Variants in HMGCLL1 observed in about 807,000 individuals in gnomAD.
The protein encoded by HMGCLL1 is 3-hydroxymethyl-3-methylglutaryl-CoA lyase, cytoplasmic.
Under a neutral mutation model 39.1 loss-of-function variants are expected in HMGCLL1, and 36 were observed. That is an observed-to-expected ratio of 0.92 (90% CI 0.71 to 1.22). The LOEUF (loss-of-function observed/expected upper bound fraction) is 1.22. HMGCLL1 is among the 50% of genes most tolerant of loss of function. HMGCLL1 has a pLI of 0.00. For synonymous variants in HMGCLL1, 149 were observed against 144.0 expected, an observed-to-expected ratio of 1.03 and a Z score of -0.25; for missense variants, 451 against 416.5, an observed-to-expected ratio of 1.08 and a Z score of -0.72.
the HMGCLL1 span, among the ~76,000 whole-genome samples, chr6:55,669,442 A>G: frequency 6.6e-6 from 1 of 151,910 alleles, no homozygotes; most frequent in Non-Finnish European, 1.5e-5. Flanking sequence ...CAGCCCCACA[A>G]TATTCAAAAT....
the HMGCLL1 span, among the ~76,000 whole-genome samples, chr6:55,646,628 C>T: frequency 4.0e-5 from 6 of 151,828 alleles, no homozygotes; most frequent in Non-Finnish European, 5.9e-5. Flanking sequence ...TTTTCAATTT[C>T]CTTCTTACTT....
At chr6:55,659,055 C>A in the HMGCLL1 span, among the ~76,000 whole-genome samples, 3 of 151,910 alleles carry the variant, frequency 2.0e-5, no homozygotes, top group Non-Finnish European at 4.4e-5. Flanking sequence ...GTTGATTTAG[C>A]ATAATGTTAG....
the HMGCLL1 span, among the ~76,000 whole-genome samples, chr6:55,629,298 G>T: frequency 6.6e-6 from 1 of 152,154 alleles, no homozygotes; most frequent in Non-Finnish European, 1.5e-5. Flanking sequence ...GCAGCATTTT[G>T]CCCCTGCCCT....
the HMGCLL1 span, among the ~76,000 whole-genome samples, chr6:55,619,428 A>G: frequency 1.4e-4 from 22 of 152,236 alleles, 1 homozygote; most frequent in South Asian, 4.4e-3. Context: ...TCAAATTCAT[A>G]ATGAAATAAC....
chr6:55,554,794 T>G lies in HMGCLL1; in HGVS notation c.109-12654A>C, dbSNP rs532609896. Among the ~76,000 whole-genome samples, 3 of 152,290 alleles carry G rather than the reference T, an allele frequency of 2.0e-5. No homozygotes were observed. In the East Asian group the frequency reaches 5.8e-4, roughly 29 times the overall value. ...AAAACTGATACTTAATCCATTCCTC[T>G]ACATTCTGTTCTCCCACAGACTTCC... is the stretch of plus-strand genomic sequence containing the variant. On this transcript the variant is annotated intron_variant, in intron 1 of 8. Coordinates refer to ENST00000274901, the MANE Select transcript of HMGCLL1 (RefSeq NM_001042406.2).
intron 7 of HMGCLL1, among the ~76,000 whole-genome samples, chr6:55,460,625 C>T (rs1353127912): frequency 6.6e-6 from 1 of 151,738 alleles, no homozygotes; most frequent in African/African-American, 2.4e-5. Flanking sequence ...AACATAATAT[C>T]CTATTACTAG....
chr6:55,663,871 T>C, the HMGCLL1 span, among the ~76,000 whole-genome samples: 3 of 152,002 alleles, frequency 2.0e-5, no homozygotes, highest in Non-Finnish European at 4.4e-5. Flanking sequence ...TGGGTGCATA[T>C]ATATTTAGGA....
chr6:55,455,013 GA>G lies in HMGCLL1; in HGVS notation c.796-15455del, dbSNP rs1463871839. ...TGTTCCCAGCTACTGGGGAGACTGA[GA>G]GAAGATCACTTGAGCCTAGGAGTTT... On this transcript the variant is annotated intron_variant, in intron 7 of 8. Transcript: ENST00000274901. 1.5e-3 allele frequency among the ~76,000 whole-genome samples: 221 copies of G among 151,546 alleles called. 2 individuals are homozygous for G. Among genetic ancestry groups the G allele is most frequent in the Non-Finnish European group, 2.1e-3 (141 of 67,898 alleles).
chr6:55,499,416 T>A, intron 5 of HMGCLL1, 117 bp from the exon 6 acceptor site: 1 of 681,062 alleles, frequency 1.5e-6, no homozygotes, highest in Non-Finnish European at 2.3e-6. Flanking sequence ...ACTATTACTT[T>A]ATTATTATTT....
chr6:55,500,558 T>C (rs1445747753), intron 5 of HMGCLL1, among the ~76,000 whole-genome samples: 1 of 151,954 alleles, frequency 6.6e-6, no homozygotes, highest in Non-Finnish European at 1.5e-5. Context: ...AATTAAAACA[T>C]GTTTTAGTAT....
the HMGCLL1 span, among the ~76,000 whole-genome samples, chr6:55,624,096 C>T: frequency 1.3e-5 from 2 of 152,132 alleles, no homozygotes; most frequent in Non-Finnish European, 2.9e-5. Flanking sequence ...CCAGTGCATG[C>T]TTACCCATGC....
upstream of HMGCLL1, among the ~76,000 whole-genome samples, chr6:55,582,726 A>G (rs1186503645): frequency 6.6e-6 from 1 of 152,166 alleles, no homozygotes; most frequent in Non-Finnish European, 1.5e-5. Context: ...CTAGTGTTCT[A>G]ATTCTAGAAA....
chr6:55,646,986 T>C, the HMGCLL1 span, among the ~76,000 whole-genome samples: 1 of 152,042 alleles, frequency 6.6e-6, no homozygotes, highest in Non-Finnish European at 1.5e-5. Context: ...AGTAGGGTGC[T>C]GCAGTCTCCA....
chr6:55,678,155 C>A, the HMGCLL1 span, among the ~76,000 whole-genome samples: 1 of 152,108 alleles, frequency 6.6e-6, no homozygotes, highest in African/African-American at 2.4e-5. Context: ...TTATGGCTGG[C>A]ATTTTGAGAA....
chr6:55,580,925 G>A (rs6902708), upstream of HMGCLL1, among the ~76,000 whole-genome samples: 1 of 151,992 alleles, frequency 6.6e-6, no homozygotes, highest in Non-Finnish European at 1.5e-5. Flanking sequence ...TGAAATGGAC[G>A]GTACTGGTTA....
chr6:55,565,971 C>T (rs138662087), intron 1 of HMGCLL1, among the ~76,000 whole-genome samples: 11 of 152,128 alleles, frequency 7.2e-5, no homozygotes, highest in Admixed American at 2.0e-4. Context: ...TTTGAACTGT[C>T]TCATATCATT....
At chr6:55,460,617 CAT>C (rs934004801) in intron 7 of HMGCLL1, among the ~76,000 whole-genome samples, 3 of 151,766 alleles carry the variant, frequency 2.0e-5, no homozygotes, top group Non-Finnish European at 4.4e-5. Context: ...ATGAAGAAAA[CAT>C]AATATCCTAT....
chr6:55,489,144 G>A (rs568496681), intron 7 of HMGCLL1, among the ~76,000 whole-genome samples: 22 of 152,046 alleles, frequency 1.4e-4, no homozygotes, highest in African/African-American at 5.3e-4. Flanking sequence ...AAATTTCCTT[G>A]TAAATATGAA....
At chr6:55,647,900 C>G in the HMGCLL1 span, among the ~76,000 whole-genome samples, 1 of 114,564 alleles carries the variant, frequency 8.7e-6, no homozygotes, top group Non-Finnish European at 1.8e-5. Flanking sequence ...GGTATATCTC[C>G]CAATGCTATC....
Sources: allele counts gnomAD v4.1 joint callset (sites outside exome capture counted in the v4.1 genomes callset), GRCh38; gene constraint gnomAD v4.1.1; transcripts MANE v1.5; gene names NCBI Gene and HGNC (gene_info 2026-07-23, HGNC 2026-07-21).